EDIL3: variants seen among roughly 807,000 people sequenced by gnomAD.
EDIL3 encodes EGF-like repeat and discoidin I-like domain-containing protein 3.
A neutral mutation model predicts 67.4 loss-of-function variants in EDIL3; 37 were observed. The observed-to-expected ratio is 0.55, with a 90% CI of 0.42 to 0.72. EDIL3 has a LOEUF of 0.72. Ranked by LOEUF, EDIL3 falls within the 30% of genes least tolerant of loss-of-function variation. The pLI is 0.00. For synonymous variants in EDIL3, 195 were observed against 196.3 expected (o/e 0.99, Z 0.05); for missense variants, 527 against 586.3 (o/e 0.90, Z 1.04).
At chr5:84,059,969 C>T (rs1746512698) in intron 9 of EDIL3, among the ~76,000 whole-genome samples, 1 of 152,112 alleles carries the variant, frequency 6.6e-6, no homozygotes, top group African/African-American at 2.4e-5. Context: ...TGCTGTCATG[C>T]TTTCAAAGCC....
intron 9 of EDIL3, among the ~76,000 whole-genome samples, chr5:84,044,801 G>A (rs773306861): frequency 7.9e-5 from 12 of 152,178 alleles, no homozygotes; most frequent in Non-Finnish European, 1.8e-4. Context: ...AGTGGCAGCA[G>A]TTGGCACCAT....
intron 4 of EDIL3, among the ~76,000 whole-genome samples, chr5:84,151,621 G>GA (rs1748395239): frequency 1.3e-5 from 2 of 152,066 alleles, no homozygotes; most frequent in African/African-American, 2.4e-5. Context: ...AATGTAACTG[G>GA]AAAAAATTAG....
chr5:84,268,229 T>C (rs974585083), intron 1 of EDIL3, among the ~76,000 whole-genome samples: 12 of 152,136 alleles, frequency 7.9e-5, no homozygotes, highest in African/African-American at 2.9e-4. Context: ...TCATGGCAGG[T>C]GTACATAAAA....
chr5:84,191,056 C>T (rs1236168003), intron 3 of EDIL3, among the ~76,000 whole-genome samples: 1 of 151,958 alleles, frequency 6.6e-6, no homozygotes, highest in African/African-American at 2.4e-5. Flanking sequence ...ATATCAGTAG[C>T]CCTTTTTCAT....
intron 9 of EDIL3, among the ~76,000 whole-genome samples, chr5:84,050,661 A>G (rs1377088493): frequency 6.6e-6 from 1 of 152,148 alleles, no homozygotes; most frequent in African/African-American, 2.4e-5. Context: ...ACACCAGGAG[A>G]TTATATCCTG....
intron 9 of EDIL3, among the ~76,000 whole-genome samples, chr5:84,033,704 TA>T (rs71605889): frequency 0.016 from 1,480 of 92,786 alleles, 12 homozygotes; most frequent in African/African-American, 0.04. Flanking sequence ...ACATTGTCTC[TA>T]AAAAAAAAAA....
chr5:84,290,284 T>A (rs1269524196), intron 1 of EDIL3, among the ~76,000 whole-genome samples: 2 of 152,136 alleles, frequency 1.3e-5, no homozygotes, highest in Non-Finnish European at 2.9e-5. Flanking sequence ...CATGACACTA[T>A]CTGAGAGCTC....
intron 4 of EDIL3, among the ~76,000 whole-genome samples, chr5:84,149,543 C>T (rs958847708): frequency 1.1e-4 from 16 of 152,004 alleles, no homozygotes; most frequent in Admixed American, 1.3e-4. Context: ...TCCAAATAAC[C>T]TAACTATATA....
At chr5:84,307,513 AT>A (rs1746296446) in intron 1 of EDIL3, among the ~76,000 whole-genome samples, 1 of 152,238 alleles carries the variant, frequency 6.6e-6, no homozygotes, top group Non-Finnish European at 1.5e-5. Flanking sequence ...AAAAATCAGT[AT>A]AGTTTCTGGG....
At chr5:84,149,994 C>T (rs1748359714) in intron 4 of EDIL3, among the ~76,000 whole-genome samples, 1 of 151,896 alleles carries the variant, frequency 6.6e-6, no homozygotes, top group South Asian at 2.1e-4. Flanking sequence ...GATTGGAGTC[C>T]TTGAAAATGG....
chr5:84,239,882 T>G (rs1441620861), intron 2 of EDIL3, among the ~76,000 whole-genome samples: 2 of 152,324 alleles, frequency 1.3e-5, no homozygotes, highest in South Asian at 2.1e-4. Flanking sequence ...TTTGTTCTAA[T>G]GGAAACAATT....
chr5:84,050,184 C>T (rs377135350), intron 9 of EDIL3, among the ~76,000 whole-genome samples: 72 of 109,218 alleles, frequency 6.6e-4, no homozygotes, highest in African/African-American at 2.0e-3. Context: ...GGCGACAGAG[C>T]GAAACTCCAT....
chr5:84,132,360 TATATTA>T (rs1323198471), intron 5 of EDIL3, among the ~76,000 whole-genome samples: 10 of 31,258 alleles, frequency 3.2e-4, no homozygotes, highest in African/African-American at 1.2e-3. Context: ...ATACATAATA[TATATTA>T]TATATATTAT....
intron 4 of EDIL3, among the ~76,000 whole-genome samples, chr5:84,143,420 C>T (rs1748239574): frequency 6.6e-6 from 1 of 151,924 alleles, no homozygotes; most frequent in South Asian, 2.1e-4. Context: ...TAACAAAAGC[C>T]CCAAATCCAA....
intron 1 of EDIL3, among the ~76,000 whole-genome samples, chr5:84,301,296 G>T (rs1441548997): frequency 6.9e-6 from 1 of 144,832 alleles, no homozygotes; most frequent in East Asian, 2.0e-4. Context: ...AAAAAAGAAA[G>T]AAATGTATAG....
intron 9 of EDIL3, among the ~76,000 whole-genome samples, chr5:84,046,636 ATAT>A (rs748333442): frequency 5.3e-5 from 8 of 152,236 alleles, no homozygotes; most frequent in Non-Finnish European, 1.2e-4. Context: ...AATGCTCATA[ATAT>A]TTGAAACAGT....
chr5:83,947,623 T>C (rs981623800), intron 10 of EDIL3, among the ~76,000 whole-genome samples: 3 of 151,736 alleles, frequency 2.0e-5, no homozygotes, highest in African/African-American at 7.3e-5. Context: ...AACTTTTCCC[T>C]CTAATATTTC....
intron 1 of EDIL3, among the ~76,000 whole-genome samples, chr5:84,316,107 G>A (rs1306473366): frequency 2.0e-5 from 3 of 152,246 alleles, no homozygotes; most frequent in Middle Eastern, 3.4e-3. Flanking sequence ...GCTCCTGAAG[G>A]AAGCACTAAA....
chr5:84,204,285 C>T (rs952290751), intron 3 of EDIL3, among the ~76,000 whole-genome samples: 1 of 152,078 alleles, frequency 6.6e-6, no homozygotes, highest in Non-Finnish European at 1.5e-5. Context: ...ACTGCATACC[C>T]TCAAAACTAA....
Sources: allele counts gnomAD v4.1 joint callset (sites outside exome capture counted in the v4.1 genomes callset), GRCh38; gene constraint gnomAD v4.1.1; transcripts MANE v1.5; gene names NCBI Gene and HGNC (gene_info 2026-07-23, HGNC 2026-07-21).